Variants in CREBRF observed in about 807,000 individuals in gnomAD.
CREBRF encodes UPF0474 protein C5orf41.
In CREBRF, 5 loss-of-function variants were observed where a neutral mutation model predicts 66.1. The observed-to-expected ratio is 0.08, with a 90% CI of 0.04 to 0.16. The LOEUF (loss-of-function observed/expected upper bound fraction) is 0.16. Among genes scored for constraint, CREBRF ranks in the 10% least tolerant of loss-of-function variants. The pLI is 1.00. For synonymous variants in CREBRF, 229 were observed against 264.4 expected (o/e 0.87, Z 1.30); for missense variants, 531 against 744.9 (o/e 0.71, Z 3.34).
At chr5:173,089,210 A>G (rs942041262) in intron 3 of CREBRF, among the ~76,000 whole-genome samples, 6 of 148,594 alleles carry the variant, frequency 4.0e-5, no homozygotes, top group Non-Finnish European at 7.4e-5. Context: ...AAACCCATAC[A>G]CAGACAACAC....
chr5:173,102,643 CT>C (rs1162328386), intron 4 of CREBRF, among the ~76,000 whole-genome samples: 1 of 152,130 alleles, frequency 6.6e-6, no homozygotes, highest in African/African-American at 2.4e-5. Context: ...TCCACGAGAA[CT>C]TACCTGGCAC....
intron 4 of CREBRF, among the ~76,000 whole-genome samples, chr5:173,104,740 A>AGAGTGT (rs375098647): frequency 2.5e-4 from 36 of 146,240 alleles, no homozygotes; most frequent in African/African-American, 8.6e-4. Flanking sequence ...AGAGAGAGAG[A>AGAGTGT]GTGTGTGTGT....
intron 7 of CREBRF, among the ~76,000 whole-genome samples, chr5:173,118,271 A>C (rs528127216): frequency 6.6e-6 from 1 of 152,208 alleles, no homozygotes; most frequent in South Asian, 2.1e-4. Context: ...CGGCCTCCCA[A>C]AGTGCTGGAT....
chr5:173,079,602 C>T (rs1757872073), intron 1 of CREBRF, among the ~76,000 whole-genome samples: 1 of 152,026 alleles, frequency 6.6e-6, no homozygotes, highest in African/African-American at 2.4e-5. Context: ...TGCTTCTGGA[C>T]TGAATTAGAT....
chr5:173,091,766 C>T (rs891611008), intron 4 of CREBRF: 10 of 997,150 alleles, frequency 1.0e-5, no homozygotes, highest in Non-Finnish European at 1.2e-5. Context: ...TGCAAAGACA[C>T]CAATAATTTA....
intron 7 of CREBRF, among the ~76,000 whole-genome samples, chr5:173,119,322 A>T (rs80028711): frequency 6.6e-6 from 1 of 152,122 alleles, no homozygotes; most frequent in Non-Finnish European, 1.5e-5. Context: ...ATCTCTCTCT[A>T]CCTAGCTAAG....
intron 1 of CREBRF, among the ~76,000 whole-genome samples, chr5:173,059,334 G>A (rs540305753): frequency 1.5e-5 from 2 of 137,486 alleles, no homozygotes; most frequent in South Asian, 2.2e-4. Flanking sequence ...GGAAGATCTC[G>A]GCTCACTGCA....
chr5:173,121,278 CA>C (rs1759132101), intron 7 of CREBRF, among the ~76,000 whole-genome samples: 1 of 151,392 alleles, frequency 6.6e-6, no homozygotes, highest in Non-Finnish European at 1.5e-5. Flanking sequence ...CTGTTACATA[CA>C]TTTCTGCTCT....
At chr5:173,065,460 T>C (rs1401428737) in intron 1 of CREBRF, among the ~76,000 whole-genome samples, 1 of 152,194 alleles carries the variant, frequency 6.6e-6, no homozygotes, top group African/African-American at 2.4e-5. Context: ...TAGCTCCCTG[T>C]ACCTCTGACT....
chr5:173,105,553 C>T (rs1482331182), intron 4 of CREBRF, among the ~76,000 whole-genome samples: 1 of 152,034 alleles, frequency 6.6e-6, no homozygotes, highest in African/African-American at 2.4e-5. Context: ...TCACTGCACT[C>T]CACCTCCCAG....
intron 1 of CREBRF, among the ~76,000 whole-genome samples, chr5:173,056,931 G>A (rs1415976709): frequency 6.6e-6 from 1 of 151,844 alleles, no homozygotes; most frequent in African/African-American, 2.4e-5. Context: ...GGGGAGGAGG[G>A]GAGAGAGGGG....
chr5:173,063,377 A>G (rs149983680), intron 1 of CREBRF, among the ~76,000 whole-genome samples: 84 of 151,610 alleles, frequency 5.5e-4, no homozygotes, highest in South Asian at 1.9e-3. Context: ...CTTCTTCTCT[A>G]TTTTTTTTGA....
At chr5:173,085,213 G>C in intron 2 of CREBRF, 1 of 394,852 alleles carries the variant, frequency 2.5e-6, no homozygotes, top group South Asian at 4.2e-5. Flanking sequence ...AAAATGCTGG[G>C]ATTACAGGCT....
intron 8 of CREBRF, among the ~76,000 whole-genome samples, chr5:173,132,379 G>A (rs1373245873): frequency 3.6e-5 from 5 of 140,556 alleles, no homozygotes; most frequent in Non-Finnish European, 6.1e-5. Flanking sequence ...GAGCCACTGC[G>A]CCCAGCCGAC....
chr5:173,133,475 G>A (rs1759520026), intron 8 of CREBRF, among the ~76,000 whole-genome samples, 155 bp from the exon 9 acceptor site: 1 of 152,156 alleles, frequency 6.6e-6, no homozygotes, highest in South Asian at 2.1e-4. Flanking sequence ...GGGTAGCATT[G>A]TTTTCTGAGC....
intron 4 of CREBRF, among the ~76,000 whole-genome samples, chr5:173,098,522 A>G (rs1489685001): frequency 6.6e-6 from 1 of 152,232 alleles, no homozygotes; most frequent in East Asian, 1.9e-4. Flanking sequence ...GTGGCCTAAC[A>G]TATGATCTAA....
At chr5:173,093,661 C>T (rs772028797) in intron 4 of CREBRF, among the ~76,000 whole-genome samples, 11 of 152,188 alleles carry the variant, frequency 7.2e-5, no homozygotes, top group Non-Finnish European at 1.3e-4. Context: ...GGACCACAGG[C>T]GTGCACCATC....
At chr5:173,059,357 C>T (rs1047816102) in intron 1 of CREBRF, among the ~76,000 whole-genome samples, 2 of 148,546 alleles carry the variant, frequency 1.3e-5, no homozygotes, top group African/African-American at 2.5e-5. Context: ...CTCCGCCTCC[C>T]GGGTTCAAGC....
At chr5:173,130,120 G>A (rs1041769937) in intron 8 of CREBRF, among the ~76,000 whole-genome samples, 2 of 152,186 alleles carry the variant, frequency 1.3e-5, no homozygotes, top group African/African-American at 4.8e-5. Context: ...ACCACGCTCG[G>A]CCTAGATTTT....
Sources: allele counts gnomAD v4.1 joint callset (sites outside exome capture counted in the v4.1 genomes callset), GRCh38; gene constraint gnomAD v4.1.1; transcripts MANE v1.5; gene names NCBI Gene and HGNC (gene_info 2026-07-23, HGNC 2026-07-21).